The following DCC variants were observed in gnomAD, a reference collection of about 807,000 sequenced individuals.
DCC encodes DCC netrin 1 receptor.
A neutral mutation model predicts 172.5 loss-of-function variants in DCC; 58 were observed. The observed-to-expected ratio is 0.34, with a 90% confidence interval of 0.27 to 0.42. The LOEUF is 0.42. DCC is among the 10% of genes least tolerant of loss of function. DCC has a pLI of 1.00. For missense variants in DCC, 1,740 were observed against 1,791.0 expected, an observed-to-expected ratio of 0.97 and a Z score of 0.51; for synonymous variants, 709 against 644.5, an observed-to-expected ratio of 1.10 and a Z score of -1.52.
chr18:52,677,117 A>G (rs575396617), intron 1 of DCC, among the ~76,000 whole-genome samples: 1 of 152,316 alleles, frequency 6.6e-6, no homozygotes, highest in East Asian at 1.9e-4. Flanking sequence ...ATGTGGCATA[A>G]TGCATTTAAA....
intron 2 of DCC, among the ~76,000 whole-genome samples, chr18:52,884,635 C>A (rs923122845): frequency 6.6e-6 from 1 of 152,124 alleles, no homozygotes; most frequent in Non-Finnish European, 1.5e-5. Flanking sequence ...TTCTTCAAAA[C>A]AACTATTTTG....
intron 1 of DCC, among the ~76,000 whole-genome samples, chr18:52,621,731 A>G (rs1207867035): frequency 6.6e-6 from 1 of 152,192 alleles, no homozygotes; most frequent in East Asian, 1.9e-4. Flanking sequence ...GACACAACTC[A>G]AAGTGTGAAC....
chr18:53,365,258 T>TTC lies in DCC; in HGVS notation c.2360-20785_2360-20784insTC, dbSNP rs750166604. Among the ~76,000 whole-genome samples, 5 of 109,134 alleles carry TTC rather than the reference T, an allele frequency of 4.6e-5. No homozygotes were observed. In the East Asian group the frequency reaches 9.0e-4, roughly 20 times the overall value. The allele number at this position is 109,134 out of a possible 152,430, so 71.6% of individuals were successfully genotyped here. A position where few individuals can be genotyped will look rare whatever the true frequency, so the allele number is the denominator to read the frequency against. ...TGTCCCTACGAAGGACATGAACTCATCTTTTTAAGGCTGCATAGTATTCCA... is the reference window on the plus strand; with the variant it reads ...TGTCCCTACGAAGGACATGAACTCATTCCTTTTTAAGGCTGCATAGTATTCCA... On this transcript the variant is annotated intron_variant, in intron 15 of 28. Transcript: ENST00000442544.
intron 1 of DCC, among the ~76,000 whole-genome samples, chr18:52,427,542 G>A (rs750524533): frequency 2.6e-5 from 4 of 151,994 alleles, no homozygotes; most frequent in Non-Finnish European, 5.9e-5. Flanking sequence ...GAGGGTGTGC[G>A]ACTGCAGATA....
At chr18:52,884,282 C>T (rs1336515641) in intron 2 of DCC, among the ~76,000 whole-genome samples, 1 of 152,052 alleles carries the variant, frequency 6.6e-6, no homozygotes, top group Non-Finnish European at 1.5e-5. Flanking sequence ...TTTAAATAAA[C>T]TTTCTGTTCC....
At chr18:53,009,220 A>G (rs1657261205) in intron 5 of DCC, among the ~76,000 whole-genome samples, 1 of 151,966 alleles carries the variant, frequency 6.6e-6, no homozygotes, top group South Asian at 2.1e-4. Context: ...TCAGCCTGAA[A>G]AACATAAGAT....
intron 1 of DCC, among the ~76,000 whole-genome samples, chr18:52,496,904 A>G (rs937810875): frequency 6.6e-6 from 1 of 152,046 alleles, no homozygotes; most frequent in Non-Finnish European, 1.5e-5. Context: ...CACATGAAAA[A>G]AAACAGATTT....
intron 2 of DCC, among the ~76,000 whole-genome samples, chr18:52,793,072 C>A (rs1173264985): frequency 1.3e-5 from 2 of 152,198 alleles, no homozygotes; most frequent in African/African-American, 4.8e-5. Flanking sequence ...TGGCAGACTG[C>A]AGCAGATTTT....
At chr18:52,440,182 C>T (rs1039903903) in intron 1 of DCC, among the ~76,000 whole-genome samples, 1 of 152,162 alleles carries the variant, frequency 6.6e-6, no homozygotes, top group African/African-American at 2.4e-5. Context: ...CCCCTTCCAT[C>T]GCAGTGCCAT....
At chr18:52,470,481 C>A (rs1988915697) in intron 1 of DCC, among the ~76,000 whole-genome samples, 1 of 152,132 alleles carries the variant, frequency 6.6e-6, no homozygotes, top group African/African-American at 2.4e-5. Context: ...AGGAAGGGAT[C>A]TGAGTCTTTT....
At chr18:52,732,689 C>G (rs964732396) in intron 1 of DCC, among the ~76,000 whole-genome samples, 1 of 152,080 alleles carries the variant, frequency 6.6e-6, no homozygotes, top group Non-Finnish European at 1.5e-5. Context: ...GATTGAAGTC[C>G]AATACATTTC....
At position 52,923,293 on chromosome 18, in the gene DCC, A is replaced by G. The variant is rs148819870; in HGVS notation, c.698-414A>G. ...AAATTCTAATATATTTGTTTCTCTT[A>G]TTTTCCAAGCCACAGAAGCAATAAA... is the stretch of plus-strand genomic sequence containing the variant. On this transcript the variant is annotated intron_variant, in intron 3 of 28. Coordinates refer to ENST00000442544, the MANE Select transcript of DCC (RefSeq NM_005215.4). Among the ~76,000 whole-genome samples the G allele has an allele frequency of 4.6e-5, 7 of 152,206 alleles. No individual in the cohort carries two copies. The East Asian group carries it at 7.7e-4, about 17-fold the overall frequency.
At chr18:53,208,893 G>A (rs1325034116) in intron 11 of DCC, among the ~76,000 whole-genome samples, 2 of 152,028 alleles carry the variant, frequency 1.3e-5, no homozygotes, top group African/African-American at 4.8e-5. Context: ...ACCACCCCTG[G>A]CTAGTTTTTG....
At chr18:53,315,738 T>A (rs554651432) in intron 13 of DCC, among the ~76,000 whole-genome samples, 2 of 152,286 alleles carry the variant, frequency 1.3e-5, no homozygotes, top group South Asian at 4.1e-4. Flanking sequence ...TTTCATATAT[T>A]TTTTGGCCCC....
intron 12 of DCC, among the ~76,000 whole-genome samples, chr18:53,282,569 A>C (rs1426077909): frequency 6.6e-6 from 1 of 152,162 alleles, no homozygotes; most frequent in African/African-American, 2.4e-5. Flanking sequence ...GAAAATATTT[A>C]ATATCTGGAG....
At chr18:52,404,051 G>A (rs919642004) in intron 1 of DCC, among the ~76,000 whole-genome samples, 4 of 152,072 alleles carry the variant, frequency 2.6e-5, no homozygotes, top group Admixed American at 1.3e-4. Flanking sequence ...AACAGGGCAT[G>A]TCTTTGGCTA....
At chr18:53,368,473 GTTAC>G (rs111715895) in intron 15 of DCC, among the ~76,000 whole-genome samples, 72,895 of 151,374 alleles carry the variant, frequency 0.48, 18,104 homozygotes, top group Non-Finnish European at 0.55. Context: ...TTTTCCTTTT[GTTAC>G]TTACCTCTTC....
At chr18:52,752,408 C>T in intron 2 of DCC, 34 bp downstream of exon 2, 1 of 1,466,306 alleles carries the variant, frequency 6.8e-7, no homozygotes, top group Non-Finnish European at 9.6e-7. Context: ...CCTCCTCCTC[C>T]TTCCTCTCTT....
intron 23 of DCC, among the ~76,000 whole-genome samples, chr18:53,456,047 G>A (rs536079319): frequency 6.6e-6 from 1 of 152,308 alleles, no homozygotes; most frequent in Admixed American, 6.5e-5. Context: ...ATCACAAAGG[G>A]AGCAGCTGGA....
Sources: allele counts gnomAD v4.1 joint callset (sites outside exome capture counted in the v4.1 genomes callset), GRCh38; gene constraint gnomAD v4.1.1; transcripts MANE v1.5; gene names NCBI Gene and HGNC (gene_info 2026-07-23, HGNC 2026-07-21).